UGT1A5: variants seen among roughly 807,000 people sequenced by gnomAD.
The protein encoded by UGT1A5 is UDP-glucuronosyltransferase 1A5.
A neutral mutation model predicts 40.3 loss-of-function variants in UGT1A5; 29 were observed. The ratio of observed to expected loss-of-function variants is 0.72; its 90% CI spans 0.54 to 0.98. The LOEUF (loss-of-function observed/expected upper bound fraction) is 0.98. Ranked by LOEUF, UGT1A5 falls within the 50% of genes least tolerant of loss-of-function variation. The pLI is 0.00. For synonymous variants in UGT1A5, 257 were observed against 262.5 expected, an observed-to-expected ratio of 0.98 and a Z score of 0.20; for missense variants, 678 against 677.9, an observed-to-expected ratio of 1.00 and a Z score of 0.00.
chr2:233,762,171 C>T (rs564011835), intron 1 of UGT1A5, among the ~76,000 whole-genome samples: 29 of 152,266 alleles, frequency 1.9e-4, no homozygotes, highest in African/African-American at 6.5e-4. Flanking sequence ...CTGTATGCGG[C>T]GTCCTCAACA....
intron 1 of UGT1A5, among the ~76,000 whole-genome samples, chr2:233,738,018 T>C (rs11902624): frequency 0.019 from 2,936 of 152,240 alleles, 43 homozygotes; most frequent in African/African-American, 0.03. Flanking sequence ...TCTTGAATTG[T>C]AATCCCCATA....
At chr2:233,726,615 C>T (rs1260171777) in intron 1 of UGT1A5, among the ~76,000 whole-genome samples, 2 of 152,156 alleles carry the variant, frequency 1.3e-5, no homozygotes, top group Non-Finnish European at 2.9e-5. Flanking sequence ...CTGTCCTGCC[C>T]AGATACCCAG....
chr2:233,745,155 C>G (rs1330223752), intron 1 of UGT1A5, among the ~76,000 whole-genome samples: 5 of 151,764 alleles, frequency 3.3e-5, no homozygotes, highest in Admixed American at 6.6e-5. Flanking sequence ...TATGGAGGGT[C>G]AAATGTGCAT....
chr2:233,714,055 AGAGG>A (rs1305818023), intron 1 of UGT1A5, among the ~76,000 whole-genome samples, 197 bp downstream of exon 1: 1 of 152,164 alleles, frequency 6.6e-6, no homozygotes, highest in Non-Finnish European at 1.5e-5. Flanking sequence ...ATGGCCACTG[AGAGG>A]AAGGAGAGGC....
chr2:233,733,979 A>G (rs1225459712), intron 1 of UGT1A5, among the ~76,000 whole-genome samples: 1 of 152,060 alleles, frequency 6.6e-6, no homozygotes, highest in African/African-American at 2.4e-5. Flanking sequence ...GCGGGGAGGG[A>G]TAGCATTAGG....
intron 1 of UGT1A5, among the ~76,000 whole-genome samples, chr2:233,742,577 G>T (rs28900373): frequency 0.034 from 5,125 of 151,816 alleles, 154 homozygotes; most frequent in African/African-American, 0.051. Flanking sequence ...CGGAATTGGG[G>T]GCTTATCCCC....
At chr2:233,746,322 CTA>C (rs780402376) in intron 1 of UGT1A5, among the ~76,000 whole-genome samples, 9 of 151,756 alleles carry the variant, frequency 5.9e-5, no homozygotes, top group Non-Finnish European at 1.0e-4. Flanking sequence ...TGTAGATGAT[CTA>C]CAGGGCAATG....
At chr2:233,742,766 G>T (rs1363291568) in intron 1 of UGT1A5, 4 of 152,980 alleles carry the variant, frequency 2.6e-5, no homozygotes, top group African/African-American at 9.7e-5. Context: ...GATAATAAAT[G>T]CATGTTGTTT....
At chr2:233,747,265 C>T in intron 1 of UGT1A5, 1 of 1,599,630 alleles carries the variant, frequency 6.3e-7, no homozygotes, top group Non-Finnish European at 8.5e-7. Context: ...AGGAGTGCTA[C>T]TCCTTCTCAG....
At chr2:233,738,412 C>G (rs988923331) in intron 1 of UGT1A5, among the ~76,000 whole-genome samples, 2 of 152,164 alleles carry the variant, frequency 1.3e-5, no homozygotes, top group African/African-American at 2.4e-5. Flanking sequence ...GGGTAACAGG[C>G]AGAGGCTGGA....
At chr2:233,730,985 T>C (rs766907684) in intron 1 of UGT1A5, among the ~76,000 whole-genome samples, 61 of 152,340 alleles carry the variant, frequency 4.0e-4, no homozygotes, top group Admixed American at 5.9e-4. Flanking sequence ...TATTGTTTCT[T>C]ATTCCTTGCT....
rs766536479 is a variant in UGT1A5 at position 233,760,908 on chromosome 2, G to GCAGC, written c.868-6125_868-6122dup. ...CTCATTCAGATCACATGACCTTCCT[G>GCAGC]CAGCGGGTGAAGAACATGCTCATTG... is the stretch of plus-strand genomic sequence containing the variant. On this transcript the variant is annotated intron_variant, in intron 1 of 4. Coordinates refer to ENST00000373414, the MANE Select transcript of UGT1A5 (RefSeq NM_019078.2). 8 of 1,614,152 alleles carry GCAGC rather than the reference G, an allele frequency of 5.0e-6. No individual in the cohort carries two copies. The South Asian group carries it at 8.8e-5, about 18-fold the overall frequency.
At chr2:233,760,370 G>A in intron 1 of UGT1A5, 1 of 1,614,148 alleles carries the variant, frequency 6.2e-7, no homozygotes, top group Non-Finnish European at 8.5e-7. Context: ...TCCCATGCTG[G>A]GAAGATACTG....
chr2:233,736,629 C>G (rs558858921), intron 1 of UGT1A5, among the ~76,000 whole-genome samples: 2 of 152,326 alleles, frequency 1.3e-5, no homozygotes, highest in South Asian at 2.1e-4. Flanking sequence ...CTTTTCTGCT[C>G]TAGTTTCCCC....
chr2:233,755,098 C>G (rs1292458921), intron 1 of UGT1A5: 1 of 1,334,792 alleles, frequency 7.5e-7, no homozygotes, highest in Non-Finnish European at 1.0e-6. Flanking sequence ...TTCTACGCGT[C>G]CGACAACACC....
At chr2:233,715,883 A>G (rs1485855848) in intron 1 of UGT1A5, among the ~76,000 whole-genome samples, 1 of 152,340 alleles carries the variant, frequency 6.6e-6, no homozygotes, top group African/African-American at 2.4e-5. Context: ...CTGTGGCCCC[A>G]GCTACTTGGG....
At chr2:233,741,386 A>C (rs1288438490) in intron 1 of UGT1A5, 1 of 151,760 alleles carries the variant, frequency 6.6e-6, no homozygotes, top group Non-Finnish European at 1.5e-5. Flanking sequence ...CCTTTCTACC[A>C]CTTTGAAACT....
At chr2:233,716,705 A>T (rs576766862) in intron 1 of UGT1A5, among the ~76,000 whole-genome samples, 1 of 152,342 alleles carries the variant, frequency 6.6e-6, no homozygotes, top group East Asian at 1.9e-4. Flanking sequence ...TCTTAAAAAC[A>T]CTAAAGAGTT....
Position 233,755,090 on chromosome 2 carries a change from C to G in UGT1A5, c.868-11944C>G, listed in dbSNP as rs778198655. On this transcript the variant is annotated intron_variant, in intron 1 of 4. Transcript: ENST00000373414. ...CATAGCGGTCATAGATATCGCGTTT[C>G]TACGCGTCCGACAACACCTCGTAGG... 4 of 1,336,104 alleles carry G rather than the reference C, an allele frequency of 3.0e-6. No homozygotes were observed. The South Asian group carries it at 4.6e-5, about 15-fold the overall frequency. The allele number at this position is 1,336,104 out of a possible 1,614,324, so 82.8% of individuals were successfully genotyped here. A position where few individuals can be genotyped will look rare whatever the true frequency, so the allele number is the denominator to read the frequency against.
Sources: gnomAD v4.1 joint callset for allele counts (sites outside exome capture counted in the v4.1 genomes callset) on GRCh38, gnomAD v4.1.1 for gene constraint, MANE v1.5 for transcripts, NCBI Gene and HGNC (gene_info 2026-07-23, HGNC 2026-07-21) for gene names.